CDKAL1: variants seen among roughly 807,000 people sequenced by gnomAD.
The protein encoded by CDKAL1 is threonylcarbamoyladenosine tRNA methylthiotransferase.
CDKAL1 carries 32 observed loss-of-function variants against 68.2 expected under a neutral mutation model. The ratio of observed to expected loss-of-function variants is 0.47; its 90% confidence interval spans 0.35 to 0.63. CDKAL1 has a LOEUF of 0.63. Among genes scored for constraint, CDKAL1 ranks in the 30% least tolerant of loss-of-function variants. CDKAL1 has a pLI of 0.00. For missense variants in CDKAL1, 606 were observed against 696.7 expected (o/e 0.87, Z 1.47); for synonymous variants, 234 against 244.3 (o/e 0.96, Z 0.39).
intron 9 of CDKAL1, among the ~76,000 whole-genome samples, chr6:20,950,677 G>A (rs895567567): frequency 2.5e-4 from 38 of 152,158 alleles, no homozygotes; most frequent in South Asian, 1.0e-3. Flanking sequence ...ACAAAAGATG[G>A]GGAAGGGGCC....
At chr6:20,738,489 T>TG (rs1773298246) in intron 5 of CDKAL1, among the ~76,000 whole-genome samples, 2 of 147,962 alleles carry the variant, frequency 1.4e-5, no homozygotes, top group African/African-American at 5.0e-5. Context: ...TTCTTAGTTT[T>TG]TTTTTTTTTT....
intron 5 of CDKAL1, chr6:20,722,457 CT>C: frequency 1.3e-5 from 4 of 305,344 alleles, no homozygotes; most frequent in Non-Finnish European, 2.5e-5. Context: ...TCACAGTCTT[CT>C]TTTTGGCAGT....
chr6:20,949,649 G>C (rs114952698), intron 9 of CDKAL1, among the ~76,000 whole-genome samples: 330 of 152,224 alleles, frequency 2.2e-3, no homozygotes, highest in African/African-American at 7.4e-3. Context: ...GATTTTTGCA[G>C]ATCTGCCTGG....
intron 5 of CDKAL1, among the ~76,000 whole-genome samples, chr6:20,656,936 CTTA>C (rs1349327878): frequency 1.3e-5 from 2 of 152,112 alleles, no homozygotes; most frequent in African/African-American, 4.8e-5. Context: ...ACAACTAATT[CTTA>C]TTAAGATAAC....
At chr6:20,702,757 G>A (rs1242887723) in intron 5 of CDKAL1, among the ~76,000 whole-genome samples, 2 of 152,138 alleles carry the variant, frequency 1.3e-5, no homozygotes, top group African/African-American at 4.8e-5. Context: ...GGGTGTGGCC[G>A]GCCAGGGTGG....
At position 20,810,247 on chromosome 6, in the gene CDKAL1, C is replaced by T. The variant is rs577659284; in HGVS notation, c.638+28982C>T. Among the ~76,000 whole-genome samples the T allele has an allele frequency of 2.3e-4, 35 of 152,198 alleles. 1 individual carries two copies. In the South Asian group the frequency reaches 7.1e-3, roughly 31 times the overall value. On this transcript the variant is annotated intron_variant, in intron 8 of 15. Coordinates refer to ENST00000274695, the MANE Select transcript of CDKAL1 (RefSeq NM_017774.3). ...TTTATCTGTCTTCCACCACCCTTGC[C>T]CCTTCTCTTGCCCCAGCACAACTAA...
intron 4 of CDKAL1, among the ~76,000 whole-genome samples, chr6:20,606,207 G>T (rs1173790258): frequency 1.3e-5 from 2 of 152,048 alleles, no homozygotes; most frequent in Admixed American, 1.3e-4. Flanking sequence ...TTATTTCTGA[G>T]ACCATATATT....
chr6:21,155,157 T>G (rs1354508801), intron 13 of CDKAL1, among the ~76,000 whole-genome samples: 1 of 152,246 alleles, frequency 6.6e-6, no homozygotes, highest in Non-Finnish European at 1.5e-5. Flanking sequence ...GTAAAAAATT[T>G]TATAATTCGA....
At chr6:20,777,648 C>T (rs964448840) in intron 7 of CDKAL1, among the ~76,000 whole-genome samples, 2 of 151,984 alleles carry the variant, frequency 1.3e-5, no homozygotes, top group African/African-American at 2.4e-5. Context: ...CATACAATTA[C>T]GTAAAAAACA....
At chr6:20,957,092 G>A (rs374205900) in intron 10 of CDKAL1, among the ~76,000 whole-genome samples, 117 of 151,072 alleles carry the variant, frequency 7.7e-4, no homozygotes, top group African/African-American at 2.8e-3. Flanking sequence ...GGCATACATC[G>A]TGAAGACCAG....
intron 4 of CDKAL1, among the ~76,000 whole-genome samples, chr6:20,603,960 A>G (rs1766222749): frequency 6.6e-6 from 1 of 150,792 alleles, no homozygotes; most frequent in Admixed American, 6.6e-5. Flanking sequence ...TATAGTTGCT[A>G]ATGTTTTATC....
intron 7 of CDKAL1, among the ~76,000 whole-genome samples, chr6:20,766,510 A>G (rs888923727): frequency 2.0e-5 from 3 of 152,142 alleles, no homozygotes; most frequent in South Asian, 2.1e-4. Context: ...TGGTATCCCC[A>G]TCTTTCTTTG....
chr6:20,665,813 A>G (rs892261114), intron 5 of CDKAL1, among the ~76,000 whole-genome samples: 1 of 152,052 alleles, frequency 6.6e-6, no homozygotes, highest in Non-Finnish European at 1.5e-5. Context: ...TATTATAAAT[A>G]TATTTTTTAC....
intron 9 of CDKAL1, among the ~76,000 whole-genome samples, chr6:20,904,345 G>A (rs1320220093): frequency 1.3e-5 from 2 of 152,042 alleles, no homozygotes; most frequent in Non-Finnish European, 2.9e-5. Flanking sequence ...AGACCAGCTT[G>A]GGCAACATAG....
intron 4 of CDKAL1, among the ~76,000 whole-genome samples, chr6:20,574,912 G>A (rs1379771477): frequency 2.0e-5 from 3 of 152,100 alleles, no homozygotes; most frequent in Non-Finnish European, 4.4e-5. Context: ...TCCAGATTTA[G>A]TTCAGTTAAT....
At chr6:20,844,705 GAAAAA>G (rs1778308525) in intron 8 of CDKAL1, among the ~76,000 whole-genome samples, 1 of 91,296 alleles carries the variant, frequency 1.1e-5, no homozygotes, top group South Asian at 3.7e-4. Flanking sequence ...AAAAGAAACA[GAAAAA>G]CAAAAACAAA....
intron 13 of CDKAL1, among the ~76,000 whole-genome samples, chr6:21,181,673 G>A (rs1777794455): frequency 6.6e-6 from 1 of 152,164 alleles, no homozygotes; most frequent in South Asian, 2.1e-4. Flanking sequence ...ACATGTTGAT[G>A]TTAAAGATAG....
intron 11 of CDKAL1, among the ~76,000 whole-genome samples, chr6:21,061,050 G>A (rs998662924): frequency 6.6e-6 from 1 of 152,148 alleles, no homozygotes; most frequent in African/African-American, 2.4e-5. Context: ...AATGTTTAAA[G>A]TGTGGGGTGT....
At chr6:20,827,301 G>A (rs1302918635) in intron 8 of CDKAL1, among the ~76,000 whole-genome samples, 1 of 152,130 alleles carries the variant, frequency 6.6e-6, no homozygotes, top group African/African-American at 2.4e-5. Flanking sequence ...ACCACATGGG[G>A]CAGTTTTCAG....
Sources: gnomAD v4.1 joint callset for allele counts (sites outside exome capture counted in the v4.1 genomes callset) on GRCh38, gnomAD v4.1.1 for gene constraint, MANE v1.5 for transcripts, NCBI Gene and HGNC (gene_info 2026-07-23, HGNC 2026-07-21) for gene names.